Variants in ZFP64 observed in about 807,000 individuals in gnomAD.
The protein encoded by ZFP64 is ZFP64 zinc finger protein.
Under a neutral mutation model 51.6 loss-of-function variants are expected in ZFP64, and 14 were observed. That is an observed-to-expected ratio of 0.27 (90% CI 0.18 to 0.42). The LOEUF (loss-of-function observed/expected upper bound fraction) is 0.42. Ranked by LOEUF, ZFP64 falls within the 10% of genes least tolerant of loss-of-function variation. ZFP64 has a pLI of 1.00. For missense variants in ZFP64, 754 were observed against 906.8 expected, an observed-to-expected ratio of 0.83 and a Z score of 2.16; for synonymous variants, 375 against 361.4, an observed-to-expected ratio of 1.04 and a Z score of -0.43.
intron 1 of ZFP64, among the ~76,000 whole-genome samples, chr20:52,190,124 T>C (rs1012887940): frequency 6.6e-6 from 1 of 152,222 alleles, no homozygotes; most frequent in African/African-American, 2.4e-5. Context: ...ATAAGCCATC[T>C]TGCAGGGATA....
Position 52,160,812 on chromosome 20 carries a change from G to T in ZFP64, c.512-438C>A, listed in dbSNP as rs531747003. ...GGGAAAGATTACACTTCTCAGCCTC[G>T]CCTGCAGCTAGCTGTGATCTGTGAC... is the stretch of plus-strand genomic sequence containing the variant. On this transcript the variant is annotated intron_variant, in intron 4 of 5. Transcript: ENST00000216923. This position sits in a 1 kb window ranked among gnomAD's most constrained non-coding sequence, Gnocchi z 4.2. Among the ~76,000 whole-genome samples, 1 of 152,108 alleles carries T rather than the reference G, an allele frequency of 6.6e-6. No individual in the cohort carries two copies. Among genetic ancestry groups the T allele is most frequent in the Non-Finnish European group, 1.5e-5 (1 of 68,036 alleles).
At chr20:52,114,843 A>G (rs1453206128) in intron 5 of ZFP64, among the ~76,000 whole-genome samples, 2 of 152,198 alleles carry the variant, frequency 1.3e-5, no homozygotes, top group South Asian at 4.1e-4. Context: ...ATGAAGAAAC[A>G]TCCTCAATGT....
At chr20:52,125,451 C>A (rs8120062) in intron 5 of ZFP64, among the ~76,000 whole-genome samples, 8,437 of 152,278 alleles carry the variant, frequency 0.055, 825 homozygotes, top group African/African-American at 0.19. Context: ...AAACCCTAAG[C>A]TGCACCCCAC....
chr20:52,136,860 G>A (rs900004151), intron 5 of ZFP64, among the ~76,000 whole-genome samples: 10 of 151,910 alleles, frequency 6.6e-5, no homozygotes, highest in Admixed American at 4.6e-4. Context: ...TCTGCCTCCC[G>A]GGCAAGTGAT....
chr20:52,186,189 CT>C (rs1983948881), intron 2 of ZFP64, among the ~76,000 whole-genome samples: 1 of 152,162 alleles, frequency 6.6e-6, no homozygotes, highest in African/African-American at 2.4e-5. Context: ...AAATGGGCTA[CT>C]TCATAATTTT....
At chr20:52,090,939 A>G (rs977649662) in intron 7 of ZFP64, among the ~76,000 whole-genome samples, 1 of 145,644 alleles carries the variant, frequency 6.9e-6, no homozygotes, top group African/African-American at 2.6e-5. Context: ...AAAAAAAAAA[A>G]AAAAAAAAAA....
At chr20:52,135,444 G>T (rs995854701) in intron 5 of ZFP64, among the ~76,000 whole-genome samples, 1 of 152,130 alleles carries the variant, frequency 6.6e-6, no homozygotes, top group African/African-American at 2.4e-5. Flanking sequence ...CAAAAGGTCT[G>T]CAAATTGGGA....
intron 7 of ZFP64, among the ~76,000 whole-genome samples, chr20:52,093,417 G>C (rs1307956067): frequency 2.6e-5 from 4 of 152,252 alleles, no homozygotes; most frequent in Non-Finnish European, 5.9e-5. Context: ...TGGGATTACA[G>C]GCGTGAGCCA....
At chr20:52,138,806 T>C (rs1980112458) in intron 5 of ZFP64, among the ~76,000 whole-genome samples, 1 of 152,186 alleles carries the variant, frequency 6.6e-6, no homozygotes, top group South Asian at 2.1e-4. Flanking sequence ...AAATTTAAAC[T>C]CTACAGAGAC....
chr20:52,152,051 A>T lies in ZFP64; in HGVS notation c.*95T>A, dbSNP rs758567526. ...GACTCCGTCTCAAAAACAAAACAAA[A>T]CAAAGAAAACATTAAGAGCAAACCT... On this transcript the variant is annotated 3_prime_UTR_variant, in exon 6 of 6. Transcript: ENST00000216923. 8.8e-6 allele frequency: 13 copies of T among 1,482,556 alleles called. No individual in the cohort carries two copies. Among genetic ancestry groups the T allele is most frequent in the Non-Finnish European group, 1.2e-5 (13 of 1,118,110 alleles). The allele number at this position is 1,482,556 out of a possible 1,614,324, so 91.8% of individuals were successfully genotyped here.
intron 5 of ZFP64, among the ~76,000 whole-genome samples, chr20:52,124,025 A>G (rs1487036822): frequency 4.6e-5 from 7 of 151,890 alleles, no homozygotes; most frequent in Non-Finnish European, 2.9e-5. Flanking sequence ...ACCCGCCACC[A>G]TGCCTGACTA....
At chr20:52,146,473 G>A (rs927397212), downstream of ZFP64, among the ~76,000 whole-genome samples, 10 of 149,928 alleles carry the variant, frequency 6.7e-5, no homozygotes, top group African/African-American at 9.8e-5. Flanking sequence ...GTAAACTATC[G>A]CAAGGACAAA....
At chr20:52,119,533 A>AAT (rs71192595) in intron 5 of ZFP64, among the ~76,000 whole-genome samples, 4,712 of 89,612 alleles carry the variant, frequency 0.053, 177 homozygotes, top group East Asian at 0.1. Context: ...AAAAAAAAAA[A>AAT]ATATATATAT....
chr20:52,088,854 T>C, intron 7 of ZFP64: 1 of 725,684 alleles, frequency 1.4e-6, no homozygotes, highest in Non-Finnish European at 2.3e-6. Context: ...AAAGATGACA[T>C]AAAAATCTGA....
At chr20:52,094,904 CT>C (rs2078971609) in intron 7 of ZFP64, among the ~76,000 whole-genome samples, 1 of 152,140 alleles carries the variant, frequency 6.6e-6, no homozygotes, top group Non-Finnish European at 1.5e-5. Flanking sequence ...GGTTCTAACC[CT>C]ACAATGATGG....
chr20:52,094,429 C>T (rs891284368), intron 7 of ZFP64, among the ~76,000 whole-genome samples: 15 of 152,118 alleles, frequency 9.9e-5, no homozygotes, highest in Middle Eastern at 3.2e-3. Context: ...GTCTCCTTTA[C>T]GAAGCTAAAT....
At chr20:52,084,129 C>A in exon 9 of ZFP64, 1 of 175,264 alleles carries the variant, frequency 5.7e-6, no homozygotes, top group Non-Finnish European at 1.2e-5. Flanking sequence ...TCCAGCAACC[C>A]CAGACCCTTC....
Position 52,110,730 on chromosome 20 carries a change from C to T in ZFP64, c.764-12143G>A, listed in dbSNP as rs1978515859. 1.0e-5 allele frequency: 16 copies of T among 1,595,592 alleles called. No homozygotes were observed. The South Asian group carries it at 1.7e-4, about 17-fold the overall frequency. On this transcript the variant is annotated intron_variant, in intron 5 of 8. Coordinates refer to the ZFP64 transcript ENST00000361387. Reference sequence around the variant, plus strand: ...GCTGGATGGCTCCAACCTTAACTGCCCCAGTACATGGGACTGGGTTCTCAA... The same window carrying T: ...GCTGGATGGCTCCAACCTTAACTGCTCCAGTACATGGGACTGGGTTCTCAA...
chr20:52,137,622 T>G (rs1389696565), intron 5 of ZFP64, among the ~76,000 whole-genome samples: 1 of 152,164 alleles, frequency 6.6e-6, no homozygotes, highest in Admixed American at 6.5e-5. Context: ...CAGTAATTTT[T>G]GGTTAAATCT....
Sources: allele counts gnomAD v4.1 joint callset (sites outside exome capture counted in the v4.1 genomes callset), GRCh38; gene constraint gnomAD v4.1.1; non-coding constraint Gnocchi (gnomAD v3.1); transcripts MANE v1.5; gene names NCBI Gene and HGNC (gene_info 2026-07-23, HGNC 2026-07-21).